NDUFS3: variants seen among roughly 807,000 people sequenced by gnomAD.
NDUFS3 encodes NADH dehydrogenase [ubiquinone] iron-sulfur protein 3, mitochondrial.
NDUFS3 carries 19 observed loss-of-function variants against 30.8 expected under a neutral mutation model. The observed-to-expected ratio is 0.62, with a 90% CI of 0.43 to 0.91. NDUFS3 has a LOEUF of 0.91. Among genes scored for constraint, NDUFS3 ranks in the 40% least tolerant of loss-of-function variants. The pLI is 0.00. For synonymous variants in NDUFS3, 153 were observed against 135.8 expected, an observed-to-expected ratio of 1.13 and a Z score of -0.88; for missense variants, 331 against 342.0, an observed-to-expected ratio of 0.97 and a Z score of 0.25.
At position 47,580,786 on chromosome 11, in the gene NDUFS3, TTCCC is replaced by T. The variant is rs371117513; in HGVS notation, c.232-46_232-43del. 207 of 1,613,462 alleles carry T rather than the reference TTCCC, an allele frequency of 1.3e-4. 1 individual carries two copies. In the African/African-American group the frequency reaches 2.6e-3, roughly 20 times the overall value. On this transcript the variant is annotated intron_variant, in intron 3 of 6. Coordinates refer to ENST00000263774, the MANE Select transcript of NDUFS3 (RefSeq NM_004551.3). ...AGGTGACTCCAGCTGAAGTTAGCTGTTCCCTCAGTAGCTCTTTGTTCCCTCTCCC... is the reference window on the plus strand; with the variant it reads ...AGGTGACTCCAGCTGAAGTTAGCTGTTCAGTAGCTCTTTGTTCCCTCTCCC...
intron 6 of NDUFS3, among the ~76,000 whole-genome samples, chr11:47,582,816 T>G (rs1233019734): frequency 1.3e-5 from 2 of 152,074 alleles, no homozygotes; most frequent in Non-Finnish European, 2.9e-5. Flanking sequence ...GGCAACATGG[T>G]GAAACCTCTT....
rs763263669 is a variant in NDUFS3 at position 47,580,864 on chromosome 11, T to C, written c.261T>C (p.Cys87=). Residue 87 remains cysteine, a synonymous_variant, in exon 4 of 7, where the codon TGT becomes TGC. Coordinates refer to ENST00000263774, the MANE Select transcript of NDUFS3 (RefSeq NM_004551.3). The part of the protein sequence containing the change: ...QVSCFNELEV[C]IHPDGVIPVL... ...CCTGCTTCAATGAGTTAGAGGTCTG[T>C]ATCCATCCTGATGGCGTCATCCCAG... The C allele has an allele frequency of 6.8e-6, 11 of 1,614,120 alleles. No homozygotes were observed. In the South Asian group the frequency reaches 1.1e-4, roughly 16 times the overall value.
At chr11:47,579,626 C>G (rs2097266952) in intron 2 of NDUFS3, 2 of 568,090 alleles carry the variant, frequency 3.5e-6, no homozygotes, top group Non-Finnish European at 6.3e-6. Flanking sequence ...ATAATAGTAC[C>G]TAGCGTTAAT....
At position 47,582,285 on chromosome 11, in the gene NDUFS3, T is replaced by G. The variant is rs564717508; in HGVS notation, c.508-64T>G. The G allele has an allele frequency of 3.1e-5, 50 of 1,614,210 alleles. No individual in the cohort carries two copies. In the East Asian group the frequency reaches 1.1e-3, roughly 35 times the overall value. On this transcript the variant is annotated intron_variant, in intron 5 of 6. Transcript: ENST00000263774. ...AACTGGTTCAGACTACGGGATGCAG[T>G]GTAGCCCCTTCCCCCTGTTGTTAGT...
chr11:47,579,756 C>G, intron 2 of NDUFS3: 1 of 282,952 alleles, frequency 3.5e-6, no homozygotes, highest in East Asian at 8.1e-5. Flanking sequence ...GATCAGGAAA[C>G]AGTCCAAAGA....
chr11:47,580,421 G>A, intron 2 of NDUFS3, 104 bp from the exon 3 acceptor site: 1 of 1,060,088 alleles, frequency 9.4e-7, no homozygotes, highest in South Asian at 1.3e-5. Context: ...GGTGCTTCAG[G>A]GAGCCTTTCC....
At chr11:47,579,186 G>C in intron 1 of NDUFS3, 28 bp downstream of exon 1, 5 of 1,613,336 alleles carry the variant, frequency 3.1e-6, no homozygotes, top group Non-Finnish European at 4.2e-6. Flanking sequence ...GCTGAGACCG[G>C]GGTCAGGCGC....
In NDUFS3 at chr11:47,579,168, G is replaced by C. The variant is rs1371262598; in HGVS notation, c.67+10G>C. 6.2e-7 allele frequency: 1 copy of C among 1,611,806 alleles called. No homozygotes were observed. Among genetic ancestry groups the C allele is most frequent in the East Asian group, 2.2e-5 (1 of 44,842 alleles). ...TCGGCGCTGACCAGGGGTGAGCACG[G>C]GCAGCCAGCTGAGACCGGGGTCAGG... On this transcript the variant is annotated intron_variant, in intron 1 of 6. Coordinates refer to ENST00000263774, the MANE Select transcript of NDUFS3 (RefSeq NM_004551.3).
In NDUFS3 at chr11:47,582,340, C is replaced by T. The variant is rs1241878739; in HGVS notation, c.508-9C>T. On this transcript the variant is annotated splice_polypyrimidine_tract_variant and intron_variant, in intron 5 of 6. Transcript: ENST00000263774. Reference sequence around the variant, plus strand: ...ATGGATTGGCTGTTTGAGGTGGTCTCTTTCCTAGATCTGGGACATGTTTGG... The same window carrying T: ...ATGGATTGGCTGTTTGAGGTGGTCTTTTTCCTAGATCTGGGACATGTTTGG... 6.2e-7 allele frequency: 1 copy of T among 1,614,106 alleles called. No individual in the cohort carries two copies. The highest frequency in any genetic ancestry group is 1.3e-5 in the African/African-American group (1 of 74,942).
In NDUFS3 at chr11:47,581,227, C is replaced by T. The variant is rs545231374; in HGVS notation, c.381+243C>T. Reference sequence around the variant, plus strand: ...GGAGTGCAGTGGCATGATCTTGGCTCACTGCAACCTCCGTCTCCCAGGTTC... The same window carrying T: ...GGAGTGCAGTGGCATGATCTTGGCTTACTGCAACCTCCGTCTCCCAGGTTC... On this transcript the variant is annotated intron_variant, in intron 4 of 6. Coordinates refer to ENST00000263774, the MANE Select transcript of NDUFS3 (RefSeq NM_004551.3). 6.1e-5 allele frequency: 30 copies of T among 488,032 alleles called. No individual in the cohort carries two copies. The East Asian group carries it at 1.1e-3, about 17-fold the overall frequency. The allele number at this position is 488,032 out of a possible 1,614,324, so 30.2% of individuals were successfully genotyped here.
chr11:47,582,336 GT>G lies in NDUFS3; in HGVS notation c.508-12del, dbSNP rs2097269172. On this transcript the variant is annotated splice_polypyrimidine_tract_variant and intron_variant, in intron 5 of 6. Coordinates refer to ENST00000263774, the MANE Select transcript of NDUFS3 (RefSeq NM_004551.3). ...CTTGATGGATTGGCTGTTTGAGGTG[GT>G]CTCTTTCCTAGATCTGGGACATGTT... 1.9e-6 allele frequency: 3 copies of G among 1,614,230 alleles called. No individual in the cohort carries two copies. The East Asian group carries it at 6.7e-5, about 36-fold the overall frequency.
At chr11:47,582,253 G>A in intron 5 of NDUFS3, 40 bp downstream of exon 5, 1 of 1,614,248 alleles carries the variant, frequency 6.2e-7, no homozygotes, top group Non-Finnish European at 8.5e-7. Context: ...CTGGGCCACA[G>A]TTGCAGAACT....
At chr11:47,579,215 G>C in intron 1 of NDUFS3, 54 bp from the exon 2 acceptor site, 1 of 1,614,018 alleles carries the variant, frequency 6.2e-7, no homozygotes, top group Non-Finnish European at 8.5e-7. Context: ...GCCCAGTGCA[G>C]AGAGCTCCTC....
chr11:47,580,752 C>A, intron 3 of NDUFS3, 83 bp from the exon 4 acceptor site: 1 of 1,603,278 alleles, frequency 6.2e-7, no homozygotes. Context: ...TTTCTCTCAG[C>A]ATTAAACCAG....
Position 47,580,586 on chromosome 11 carries a change from G to T in NDUFS3, c.195G>T (p.Val65=). The part of the protein sequence containing the change: ...HKQLSAFGEY[V]AEILPKYVQQ... ...AGCTCTCAGCTTTTGGAGAGTATGT[G>T]GCTGAAATCTTGCCCAAGTATGTCC... is the stretch of plus-strand genomic sequence containing the variant. The change falls in exon 3 of 7, where the codon GTG becomes GTT. Residue 65 remains valine (V), a synonymous_variant. Transcript: ENST00000263774. The T allele has an allele frequency of 6.2e-7, 1 of 1,614,150 alleles. No individual in the cohort carries two copies. Among genetic ancestry groups the T allele is most frequent in the South Asian group, 1.1e-5 (1 of 91,082 alleles).
chr11:47,579,983 TGACACA>T lies in NDUFS3; in HGVS notation c.134-541_134-536del, dbSNP rs1246776454. Among the ~76,000 whole-genome samples, 38 of 94,482 alleles carry T rather than the reference TGACACA, an allele frequency of 4.0e-4. No homozygotes were observed. The East Asian group carries it at 9.6e-3, about 24-fold the overall frequency. 62.0% of individuals were successfully genotyped at this position (94,482 alleles called of 152,430 possible). ...TTTCTCCTTTCCTGGGTTTTCTCAT[TGACACA>T]CACACACACACACACACACACACAC... On this transcript the variant is annotated intron_variant, in intron 2 of 6. Transcript: ENST00000263774.
intron 4 of NDUFS3, 75 bp from the exon 5 acceptor site, chr11:47,582,013 G>A: frequency 6.3e-7 from 1 of 1,580,526 alleles, no homozygotes; most frequent in Admixed American, 1.7e-5. Flanking sequence ...CAGAATAGAA[G>A]GCAGGGTCAC....
intron 6 of NDUFS3, 61 bp downstream of exon 6, chr11:47,582,529 TCC>T: frequency 1.9e-6 from 3 of 1,610,466 alleles, no homozygotes; most frequent in Non-Finnish European, 8.5e-7. Context: ...ACCCAGGGGA[TCC>T]CTGGGAATGG....
At chr11:47,581,176 A>G (rs1346398375) in intron 4 of NDUFS3, 192 bp downstream of exon 4, 3 of 642,582 alleles carry the variant, frequency 4.7e-6, no homozygotes, top group South Asian at 3.8e-5. Flanking sequence ...TTTTTTTTAG[A>G]CGGAATCTTG....
Sources: gnomAD v4.1 joint callset for allele counts (sites outside exome capture counted in the v4.1 genomes callset) on GRCh38, gnomAD v4.1.1 for gene constraint, MANE v1.5 for transcripts, NCBI Gene and HGNC (gene_info 2026-07-23, HGNC 2026-07-21) for gene names.